The following CNTN5 variants were observed in gnomAD, a reference collection of about 807,000 sequenced individuals.
CNTN5 encodes the protein contactin 5.
A neutral mutation model predicts 129.1 loss-of-function variants in CNTN5; 77 were observed. That is an observed-to-expected ratio of 0.60 (90% confidence interval 0.50 to 0.72). The LOEUF (loss-of-function observed/expected upper bound fraction) is 0.72. CNTN5 is among the 30% of genes least tolerant of loss of function. The pLI is 0.00. For synonymous variants in CNTN5, 509 were observed against 465.6 expected (o/e 1.09, Z -1.20); for missense variants, 1,478 against 1,328.8 (o/e 1.11, Z -1.75).
intron 8 of CNTN5, among the ~76,000 whole-genome samples, chr11:99,974,903 G>A (rs1227476843): frequency 6.6e-6 from 1 of 152,144 alleles, no homozygotes; most frequent in Non-Finnish European, 1.5e-5. Context: ...GAATTTTAAA[G>A]AATATTTACA....
chr11:100,230,734 C>G lies in CNTN5; in HGVS notation c.2005+5922C>G, dbSNP rs142066807. Among the ~76,000 whole-genome samples the G allele has an allele frequency of 1.1e-4, 17 of 152,300 alleles. No individual in the cohort carries two copies. The East Asian group carries it at 2.7e-3, about 24-fold the overall frequency. On this transcript the variant is annotated intron_variant, in intron 16 of 24. Coordinates refer to ENST00000524871, the MANE Select transcript of CNTN5 (RefSeq NM_014361.4). Reference sequence around the variant, plus strand: ...CTGCCAAAAGCCAGACTCTTTTAGGCACTGATATCTCCGTCAACTGACTGA... The same window carrying G: ...CTGCCAAAAGCCAGACTCTTTTAGGGACTGATATCTCCGTCAACTGACTGA...
intron 3 of CNTN5, among the ~76,000 whole-genome samples, chr11:99,581,893 G>C (rs536453778): frequency 6.6e-5 from 10 of 152,122 alleles, no homozygotes; most frequent in African/African-American, 2.4e-4. Context: ...TATTTTGCTC[G>C]TTAGTTGATG....
chr11:100,064,810 A>C (rs1364106521), intron 10 of CNTN5, among the ~76,000 whole-genome samples: 2 of 152,172 alleles, frequency 1.3e-5, no homozygotes, highest in Non-Finnish European at 2.9e-5. Flanking sequence ...ACAAAATGAC[A>C]AAAGAAATGC....
chr11:99,129,693 A>C (rs1858833626), intron 1 of CNTN5, among the ~76,000 whole-genome samples: 1 of 152,162 alleles, frequency 6.6e-6, no homozygotes, highest in African/African-American at 2.4e-5. Flanking sequence ...ACAGGAAAAA[A>C]TGTTAAGGGC....
intron 3 of CNTN5, among the ~76,000 whole-genome samples, chr11:99,780,127 A>T (rs1945261625): frequency 6.6e-6 from 1 of 152,068 alleles, no homozygotes; most frequent in South Asian, 2.1e-4. Context: ...TGCCTAGCAG[A>T]TAAACTACTG....
At chr11:100,275,948 A>C (rs1486507957) in intron 18 of CNTN5, among the ~76,000 whole-genome samples, 2 of 152,208 alleles carry the variant, frequency 1.3e-5, no homozygotes, top group African/African-American at 2.4e-5. Flanking sequence ...ACATCCTCTC[A>C]AATGATGCAC....
intron 16 of CNTN5, among the ~76,000 whole-genome samples, chr11:100,245,769 C>A (rs1949828224): frequency 6.6e-6 from 1 of 151,962 alleles, no homozygotes; most frequent in African/African-American, 2.4e-5. Context: ...TATTCATATG[C>A]AAATAAGAAT....
intron 3 of CNTN5, among the ~76,000 whole-genome samples, chr11:99,651,235 A>G (rs1952144591): frequency 6.6e-6 from 1 of 151,760 alleles, no homozygotes; most frequent in Admixed American, 6.6e-5. Flanking sequence ...TCCCACAAAC[A>G]ATCATCAAAA....
At chr11:99,893,345 A>C (rs900408191) in intron 6 of CNTN5, among the ~76,000 whole-genome samples, 2 of 152,206 alleles carry the variant, frequency 1.3e-5, no homozygotes, top group Non-Finnish European at 2.9e-5. Flanking sequence ...ATTTTGAGCA[A>C]ATAATAGGTG....
Position 100,020,936 on chromosome 11 carries a change from G to A in CNTN5, c.980+18800G>A, listed in dbSNP as rs940782916. Among the ~76,000 whole-genome samples, 8 of 151,936 alleles carry A rather than the reference G, an allele frequency of 5.3e-5. No individual in the cohort carries two copies. In the South Asian group the frequency reaches 1.7e-3, roughly 31 times the overall value. ...AAATTGAAGAAGAAAAAAATAAATA[G>A]AAAGATACCCTCTGTTCATGGATTG... On this transcript the variant is annotated intron_variant, in intron 9 of 24. Transcript: ENST00000524871.
At chr11:100,040,055 G>C (rs547952255) in intron 9 of CNTN5, among the ~76,000 whole-genome samples, 1 of 152,288 alleles carries the variant, frequency 6.6e-6, no homozygotes, top group Non-Finnish European at 1.5e-5. Flanking sequence ...CTGATTTTTA[G>C]AGTTTCTGGT....
intron 1 of CNTN5, among the ~76,000 whole-genome samples, chr11:99,262,400 A>G (rs1014827951): frequency 6.6e-6 from 1 of 152,098 alleles, no homozygotes; most frequent in African/African-American, 2.4e-5. Context: ...TAGTAATCAT[A>G]ATGATAGCTA....
At chr11:99,532,050 C>G (rs977525015) in intron 2 of CNTN5, among the ~76,000 whole-genome samples, 1 of 152,032 alleles carries the variant, frequency 6.6e-6, no homozygotes, top group East Asian at 2.0e-4. Flanking sequence ...GACAGCTTGC[C>G]CCGTGTGCCT....
In CNTN5 at chr11:99,048,812, A is replaced by G. The variant is rs149596231; in HGVS notation, c.-210+27542A>G. The stretch of plus-strand genomic sequence containing the variant: ...GCCATTTTGGCATTTCTTACATCTT[A>G]AGCCCACATCTTAGGTAAAAATGGT... On this transcript the variant is annotated intron_variant, in intron 1 of 24. Coordinates refer to ENST00000524871, the MANE Select transcript of CNTN5 (RefSeq NM_014361.4). 1.8e-4 allele frequency among the ~76,000 whole-genome samples: 28 copies of G among 152,300 alleles called. No homozygotes were observed. In the East Asian group the frequency reaches 5.4e-3, roughly 29 times the overall value.
At chr11:99,443,070 GAATT>G (rs1180913929) in intron 2 of CNTN5, among the ~76,000 whole-genome samples, 1 of 152,058 alleles carries the variant, frequency 6.6e-6, no homozygotes, top group African/African-American at 2.4e-5. Flanking sequence ...ATTCACAAAA[GAATT>G]AATATTTGAG....
chr11:99,774,864 T>TA (rs994899864), intron 3 of CNTN5, among the ~76,000 whole-genome samples: 87 of 151,910 alleles, frequency 5.7e-4, no homozygotes, highest in Non-Finnish European at 7.8e-4. Context: ...AACAAAATAT[T>TA]AAAAAAAAAT....
chr11:99,249,629 T>C (rs1861996418), intron 1 of CNTN5, among the ~76,000 whole-genome samples: 1 of 152,012 alleles, frequency 6.6e-6, no homozygotes, highest in Non-Finnish European at 1.5e-5. Context: ...TTATTTGAAA[T>C]CCAAATATTC....
chr11:99,583,112 A>C (rs1565320200), intron 3 of CNTN5, among the ~76,000 whole-genome samples: 1 of 152,348 alleles, frequency 6.6e-6, no homozygotes, highest in East Asian at 1.9e-4. Context: ...TTGCCTGGGT[A>C]TCAGCAGCGC....
chr11:99,079,066 T>C (rs1215286153), intron 1 of CNTN5, among the ~76,000 whole-genome samples: 2 of 152,106 alleles, frequency 1.3e-5, no homozygotes, highest in African/African-American at 4.8e-5. Flanking sequence ...CCTTTAAATA[T>C]ATATACCCAT....
Sources: gnomAD v4.1 joint callset for allele counts (sites outside exome capture counted in the v4.1 genomes callset) on GRCh38, gnomAD v4.1.1 for gene constraint, MANE v1.5 for transcripts, NCBI Gene and HGNC (gene_info 2026-07-23, HGNC 2026-07-21) for gene names.